DGKG: variants seen among roughly 807,000 people sequenced by gnomAD.
DGKG encodes DAG kinase gamma.
DGKG carries 78 observed loss-of-function variants against 105.3 expected under a neutral mutation model. That is an observed-to-expected ratio of 0.74 (90% CI 0.62 to 0.89). The LOEUF is 0.89. Among genes scored for constraint, DGKG ranks in the 40% least tolerant of loss-of-function variants. The pLI is 0.00. For synonymous variants in DGKG, 346 were observed against 367.1 expected (o/e 0.94, Z 0.66); for missense variants, 958 against 1,020.1 (o/e 0.94, Z 0.83).
At chr3:186,267,908 C>T in intron 12 of DGKG, 131 bp from the exon 13 acceptor site, 1 of 771,110 alleles carries the variant, frequency 1.3e-6, no homozygotes, top group Non-Finnish European at 2.2e-6. Flanking sequence ...CTGGCTTTGA[C>T]AGTATTGCCG....
chr3:186,323,587 A>G (rs1725183787), intron 1 of DGKG, among the ~76,000 whole-genome samples: 1 of 152,098 alleles, frequency 6.6e-6, no homozygotes, highest in African/African-American at 2.4e-5. Flanking sequence ...AGGTCAGGAG[A>G]TCGAGACCAT....
intron 19 of DGKG, among the ~76,000 whole-genome samples, chr3:186,245,144 C>G (rs1223452276): frequency 6.6e-6 from 1 of 152,160 alleles, no homozygotes; most frequent in African/African-American, 2.4e-5. Flanking sequence ...GATATGTGTA[C>G]AGGCCCCCTC....
intron 19 of DGKG, among the ~76,000 whole-genome samples, chr3:186,243,346 C>T (rs1052878033): frequency 1.3e-5 from 2 of 152,060 alleles, no homozygotes; most frequent in African/African-American, 4.8e-5. Flanking sequence ...CACTAGCGGC[C>T]CCCTGCACTC....
intron 21 of DGKG, among the ~76,000 whole-genome samples, chr3:186,194,997 C>A (rs534078634): frequency 1.7e-4 from 26 of 151,962 alleles, no homozygotes; most frequent in Non-Finnish European, 3.4e-4. Context: ...CTCAGCTACT[C>A]TGGAGGCTGA....
chr3:186,329,348 C>T (rs1373203922), intron 1 of DGKG, among the ~76,000 whole-genome samples: 5 of 152,084 alleles, frequency 3.3e-5, no homozygotes, highest in Non-Finnish European at 5.9e-5. Flanking sequence ...GGATCAAATT[C>T]TATTTGTTCT....
At chr3:186,254,596 C>T (rs1212468758) in intron 17 of DGKG, among the ~76,000 whole-genome samples, 3 of 152,156 alleles carry the variant, frequency 2.0e-5, no homozygotes, top group African/African-American at 7.2e-5. Flanking sequence ...TTTTCCCTCA[C>T]ACATCCATTC....
chr3:186,303,488 G>A (rs1724075307), intron 3 of DGKG, among the ~76,000 whole-genome samples: 1 of 152,250 alleles, frequency 6.6e-6, no homozygotes, highest in Non-Finnish European at 1.5e-5. Flanking sequence ...GAGAGAACTA[G>A]ATGGAGAGCT....
intron 1 of DGKG, among the ~76,000 whole-genome samples, chr3:186,338,169 CAAAAAAA>C (rs34436386): frequency 1.3e-5 from 1 of 75,842 alleles, no homozygotes; most frequent in African/African-American, 4.5e-5. Flanking sequence ...GACCCTATCT[CAAAAAAA>C]AAAAAAAAAA....
At chr3:186,234,437 C>T (rs1302243322) in intron 20 of DGKG, among the ~76,000 whole-genome samples, 1 of 152,176 alleles carries the variant, frequency 6.6e-6, no homozygotes, top group Non-Finnish European at 1.5e-5. Context: ...CTCTTGTGAA[C>T]TGATTACACA....
chr3:186,169,488 T>A (rs1034206216), intron 22 of DGKG, among the ~76,000 whole-genome samples: 5 of 152,240 alleles, frequency 3.3e-5, no homozygotes, highest in African/African-American at 1.2e-4. Flanking sequence ...AATGCTCACA[T>A]TCCCTGGTTT....
chr3:186,353,012 A>G (rs575282102), intron 1 of DGKG, among the ~76,000 whole-genome samples: 6 of 152,172 alleles, frequency 3.9e-5, no homozygotes, highest in Non-Finnish European at 7.3e-5. Flanking sequence ...TCTGACTCAC[A>G]GTTTTTGCTC....
chr3:186,277,849 C>T (rs761518716), intron 9 of DGKG, among the ~76,000 whole-genome samples: 5 of 152,210 alleles, frequency 3.3e-5, no homozygotes, highest in Non-Finnish European at 5.9e-5. Flanking sequence ...TTCAGTGATT[C>T]CCCAGACTTT....
intron 1 of DGKG, among the ~76,000 whole-genome samples, chr3:186,354,032 C>T (rs1726783212): frequency 6.6e-6 from 1 of 152,094 alleles, no homozygotes; most frequent in South Asian, 2.1e-4. Flanking sequence ...CTGACTTCCA[C>T]CAGTGAATAT....
chr3:186,261,748 G>C lies in DGKG; in HGVS notation c.1300C>G (p.Pro434Ala). ...YKIIPTPGTH[P>A]LLVLVNPKSG... Reference sequence around the variant, plus strand: ...TTGGGGTTCACCAAGACCAGCAGGGGGTGGGTACCCGGGGTGGGGATGATC... The same window carrying C: ...TTGGGGTTCACCAAGACCAGCAGGGCGTGGGTACCCGGGGTGGGGATGATC... The change falls in exon 15 of 25, where the codon CCC becomes GCC. Residue 434 changes from proline to alanine, a missense_variant. Physicochemically the swap from Pro to Ala is conservative, Grantham distance 27. Coordinates refer to ENST00000265022, the MANE Select transcript of DGKG (RefSeq NM_001346.3). 6.2e-7 allele frequency: 1 copy of C among 1,608,750 alleles called. No homozygotes were observed.
intron 22 of DGKG, among the ~76,000 whole-genome samples, chr3:186,179,024 C>T (rs550583024): frequency 2.6e-5 from 4 of 152,294 alleles, no homozygotes; most frequent in African/African-American, 9.6e-5. Flanking sequence ...AGCGTATGTG[C>T]GATCACCAGC....
At chr3:186,259,998 C>T (rs116577930) in intron 16 of DGKG, among the ~76,000 whole-genome samples, 3,191 of 152,292 alleles carry the variant, frequency 0.021, 58 homozygotes, top group Middle Eastern at 0.045. Flanking sequence ...GACCCCACAA[C>T]GGAACACCAA....
intron 22 of DGKG, among the ~76,000 whole-genome samples, chr3:186,182,456 G>A (rs567721973): frequency 2.0e-5 from 3 of 152,300 alleles, no homozygotes; most frequent in South Asian, 4.1e-4. Context: ...TGTAAGTGTT[G>A]AAATGGAGGC....
chr3:186,357,340 A>G (rs1333992719), intron 1 of DGKG, among the ~76,000 whole-genome samples: 1 of 152,176 alleles, frequency 6.6e-6, no homozygotes, highest in Non-Finnish European at 1.5e-5. Flanking sequence ...ATTTCCCAGG[A>G]AGCCAAGATG....
chr3:186,352,763 A>C (rs1726694978), intron 1 of DGKG, among the ~76,000 whole-genome samples: 2 of 152,088 alleles, frequency 1.3e-5, no homozygotes, highest in Admixed American at 1.3e-4. Context: ...ATCTCCCTGG[A>C]ACTCCCTCAA....
Sources: gnomAD v4.1 joint callset for allele counts (sites outside exome capture counted in the v4.1 genomes callset) on GRCh38, gnomAD v4.1.1 for gene constraint, MANE v1.5 for transcripts, NCBI Gene and HGNC (gene_info 2026-07-23, HGNC 2026-07-21) for gene names.